CMPK1: variants seen among roughly 807,000 people sequenced by gnomAD.
CMPK1 encodes the protein cytidine/uridine monophosphate kinase 1, also known as UMP-CMP kinase.
Under a neutral mutation model 25.7 loss-of-function variants are expected in CMPK1, and 10 were observed. That is an observed-to-expected ratio of 0.39 (90% CI 0.24 to 0.66). The LOEUF is 0.66. Among genes scored for constraint, CMPK1 ranks in the 30% least tolerant of loss-of-function variants. The pLI, the probability that CMPK1 is intolerant of heterozygous loss-of-function variation, is 0.48. For missense variants in CMPK1, 199 were observed against 280.5 expected (o/e 0.71, Z 2.08); for synonymous variants, 106 against 101.5 (o/e 1.04, Z -0.27).
chr1:47,350,739 A>G (rs1175294717), intron 1 of CMPK1, among the ~76,000 whole-genome samples: 1 of 151,880 alleles, frequency 6.6e-6, no homozygotes, highest in Non-Finnish European at 1.5e-5. Flanking sequence ...CTAAAAATGC[A>G]AAAAAAGAAA....
chr1:47,347,476 C>G (rs1041428397), intron 1 of CMPK1, among the ~76,000 whole-genome samples: 14 of 152,244 alleles, frequency 9.2e-5, no homozygotes, highest in Admixed American at 6.5e-4. Context: ...CCCCAAATGC[C>G]GAGATTACGG....
intron 1 of CMPK1, among the ~76,000 whole-genome samples, chr1:47,340,651 T>G (rs545627387): frequency 6.6e-6 from 1 of 152,246 alleles, no homozygotes; most frequent in South Asian, 2.1e-4. Flanking sequence ...TAATAATTTT[T>G]TTTTTTTCGA....
At chr1:47,370,615 T>G (rs1357420805) in intron 2 of CMPK1, among the ~76,000 whole-genome samples, 2 of 144,166 alleles carry the variant, frequency 1.4e-5, no homozygotes, top group African/African-American at 5.3e-5. Flanking sequence ...CACTCCAGGT[T>G]GGGTGACAGA....
At chr1:47,348,089 G>T (rs1463680034) in intron 1 of CMPK1, among the ~76,000 whole-genome samples, 3 of 152,104 alleles carry the variant, frequency 2.0e-5, no homozygotes, top group African/African-American at 7.2e-5. Context: ...AATCACTGAA[G>T]ACCTCCAAAA....
intron 1 of CMPK1, among the ~76,000 whole-genome samples, chr1:47,344,067 TAA>T (rs34326568): frequency 5.0e-5 from 7 of 141,378 alleles, no homozygotes; most frequent in Admixed American, 7.1e-5. Flanking sequence ...GACCATGTCT[TAA>T]AAAAAAAAAA....
intron 1 of CMPK1, among the ~76,000 whole-genome samples, chr1:47,361,866 C>T (rs950835550): frequency 5.7e-5 from 8 of 140,692 alleles, no homozygotes; most frequent in African/African-American, 2.2e-4. Context: ...TTTTAAAATA[C>T]TACTCTTTTT....
In CMPK1 at chr1:47,333,979, G is replaced by A; in HGVS notation, c.34G>A (p.Val12Ile). 3 of 1,520,296 alleles carry A rather than the reference G, an allele frequency of 2.0e-6. No individual in the cohort carries two copies. The highest frequency in any genetic ancestry group is 1.2e-5 in the South Asian group (1 of 82,134). 94.2% of individuals were successfully genotyped at this position (1,520,296 alleles called of 1,614,324 possible). A position where few individuals can be genotyped will look rare whatever the true frequency, so the allele number is the denominator to read the frequency against. ...LSRCRSGLLH[V>I]LGLSFLLQTR... Reference sequence around the variant, plus strand: ...CCGCTGCCGCAGCGGGCTGCTCCACGTCCTGGGCCTTAGCTTCCTGCTGCA... The same window carrying A: ...CCGCTGCCGCAGCGGGCTGCTCCACATCCTGGGCCTTAGCTTCCTGCTGCA... Residue 12 changes from valine to isoleucine, a missense_variant, in exon 1 of 6, where the codon GTC becomes ATC. Val to Ile is a conservative substitution (Grantham distance 29, BLOSUM62 3). This residue lies in a region of CMPK1 where 59 missense variants were observed against 45.1 expected (regional missense o/e 1.31). Transcript: ENST00000371873.
chr1:47,375,184 ACTT>A lies in CMPK1; in HGVS notation c.549-9_549-7del, dbSNP rs935377143. On this transcript the variant is annotated splice_polypyrimidine_tract_variant and intron_variant, in intron 4 of 5. Transcript: ENST00000371873. The stretch of plus-strand genomic sequence containing the variant: ...AGATACCTAGAACCTTGCAATATTT[ACTT>A]CTTTTGCAGAATTCAGACCTACCTT... The A allele has an allele frequency of 1.3e-6, 2 of 1,581,368 alleles. No homozygotes were observed. The highest frequency in any genetic ancestry group is 1.7e-6 in the Non-Finnish European group (2 of 1,152,934).
intron 1 of CMPK1, among the ~76,000 whole-genome samples, chr1:47,360,583 C>T (rs1646594942): frequency 6.6e-6 from 1 of 152,142 alleles, no homozygotes; most frequent in African/African-American, 2.4e-5. Context: ...GTCATAAAGA[C>T]TTTAAGTTAT....
rs72553946 is a variant in CMPK1, at chr1:47,372,955, G to A, written c.319G>A (p.Glu107Lys). 1.1e-3 allele frequency: 1,783 copies of A among 1,599,548 alleles called. 27 individuals are homozygous for A. The Admixed American group carries it at 0.027, about 24-fold the overall frequency. ...AACCTAAATCTTCTTTTTCCTTTAG[G>A]AAATGGATCAGACAATGGCTGCCAA... ...VEITISLLKR[E>K]MDQTMAANAQ... The change falls in exon 3 of 6, where the codon GAA (glutamate) becomes AAA (lysine). Residue 107 changes from glutamate to lysine, a missense_variant and splice_region_variant. Coordinates refer to ENST00000371873, the MANE Select transcript of CMPK1 (RefSeq NM_016308.3).
At chr1:47,336,727 T>C (rs1157186697) in intron 1 of CMPK1, among the ~76,000 whole-genome samples, 2 of 152,194 alleles carry the variant, frequency 1.3e-5, no homozygotes, top group Admixed American at 1.3e-4. Flanking sequence ...GGGCTCACTA[T>C]ATTGCCCAGG....
chr1:47,358,104 C>T (rs377224107), intron 1 of CMPK1, among the ~76,000 whole-genome samples: 102 of 78,698 alleles, frequency 1.3e-3, no homozygotes, highest in South Asian at 1.8e-3. Flanking sequence ...CATAGTAGGT[C>T]TTTTTTTTTT....
At chr1:47,345,026 C>T (rs1354581233) in intron 1 of CMPK1, among the ~76,000 whole-genome samples, 1 of 151,810 alleles carries the variant, frequency 6.6e-6, no homozygotes, top group African/African-American at 2.4e-5. Flanking sequence ...ACGCGATTCT[C>T]CTGCCTCAGC....
intron 1 of CMPK1, 67 bp downstream of exon 1, chr1:47,334,183 C>T: frequency 8.0e-7 from 1 of 1,242,356 alleles, no homozygotes; most frequent in East Asian, 3.3e-5. Flanking sequence ...GTCCCGCCGC[C>T]CCTAGTCCGC....
intron 1 of CMPK1, among the ~76,000 whole-genome samples, chr1:47,345,742 C>A (rs1285642091): frequency 6.6e-6 from 1 of 151,472 alleles, no homozygotes; most frequent in Non-Finnish European, 1.5e-5. Flanking sequence ...TAGGCATGAG[C>A]CACTGCACCT....
chr1:47,375,055 G>A (rs756302670), intron 4 of CMPK1, 70 bp downstream of exon 4: 25 of 1,380,520 alleles, frequency 1.8e-5, no homozygotes, highest in Non-Finnish European at 2.5e-5. Context: ...GAATAAAAGA[G>A]TCACATTTAA....
intron 1 of CMPK1, among the ~76,000 whole-genome samples, chr1:47,340,880 G>A (rs933414603): frequency 7.2e-5 from 11 of 151,952 alleles, no homozygotes; most frequent in African/African-American, 2.4e-4. Context: ...CAGGTGATCC[G>A]CCCGCCTCAG....
chr1:47,366,594 A>G (rs1461693280), intron 1 of CMPK1, among the ~76,000 whole-genome samples: 2 of 152,244 alleles, frequency 1.3e-5, no homozygotes, highest in African/African-American at 2.4e-5. Flanking sequence ...GAGAATTTAC[A>G]AAAATGGAAT....
chr1:47,343,434 G>T (rs1281121159), intron 1 of CMPK1, among the ~76,000 whole-genome samples: 7 of 151,796 alleles, frequency 4.6e-5, no homozygotes, highest in South Asian at 4.2e-4. Context: ...CTTGAACCTG[G>T]GAGGAGGACG....
Sources: allele counts gnomAD v4.1 joint callset (sites outside exome capture counted in the v4.1 genomes callset), GRCh38; gene constraint gnomAD v4.1.1; regional missense constraint gnomAD v4.1.1; transcripts MANE v1.5; gene names NCBI Gene and HGNC (gene_info 2026-07-23, HGNC 2026-07-21).